PEG3: variants seen among roughly 807,000 people sequenced by gnomAD.
PEG3 encodes the protein paternally-expressed gene 3 protein.
PEG3 carries 23 observed loss-of-function variants against 35.5 expected under a neutral mutation model. The observed-to-expected ratio is 0.65, with a 90% CI of 0.47 to 0.92. PEG3 has a LOEUF of 0.92. Ranked by LOEUF, PEG3 falls within the 40% of genes least tolerant of loss-of-function variation. The pLI, the probability that PEG3 is intolerant of heterozygous loss-of-function variation, is 0.00. For synonymous variants in PEG3, 707 were observed against 697.0 expected, an observed-to-expected ratio of 1.01 and a Z score of -0.23; for missense variants, 1,960 against 1,985.3, an observed-to-expected ratio of 0.99 and a Z score of 0.24.
rs777815653 is a variant in PEG3, at chr19:56,813,967, T to A, written c.4475A>T (p.Glu1492Val). 1.2e-6 allele frequency: 2 copies of A among 1,613,990 alleles called. No individual in the cohort carries two copies. The highest frequency in any genetic ancestry group is 1.7e-6 in the Non-Finnish European group (2 of 1,179,978). Residue 1492 changes from glutamate (E) to valine (V), a missense_variant, in exon 10 of 10, where the codon GAA becomes GTA. Physicochemically the swap from Glu to Val is moderately radical, Grantham distance 121 (BLOSUM62 -2). Around this residue, in one of 5 missense-constraint regions of PEG3, gnomAD observed 416 missense variants for 416.7 expected, o/e 1.00. Transcript: ENST00000326441. ...TACCTGAATCTCTTGATCTTCACCTTCTTCTGGGTCTTCAATTCCCACACC... is the reference window on the plus strand; with the variant it reads ...TACCTGAATCTCTTGATCTTCACCTACTTCTGGGTCTTCAATTCCCACACC... ...PDGVGIEDPE[E>V]GEDQEIQVEE...
chr19:56,830,708 A>C (rs987667087), intron 2 of PEG3, among the ~76,000 whole-genome samples: 1 of 152,212 alleles, frequency 6.6e-6, no homozygotes, highest in African/African-American at 2.4e-5. Context: ...CAAATAAATA[A>C]ATCTCCATAA....
Position 56,812,266 on chromosome 19 carries a change from T to A in PEG3, c.*1409A>T. ...ACACAAGAAACCTCAAGCTGTGAGG[T>A]CAATTTGTAATTAAAAGAATACTAA... On this transcript the variant is annotated 3_prime_UTR_variant, in exon 10 of 10. Transcript: ENST00000326441. The A allele has an allele frequency of 1.0e-6, 1 of 978,964 alleles. No homozygotes were observed. Among genetic ancestry groups the A allele is most frequent in the Admixed American group, 6.1e-5 (1 of 16,268 alleles). The allele number at this position is 978,964 out of a possible 1,614,324, so 60.6% of individuals were successfully genotyped here.
At chr19:56,822,213 T>G (rs941074329) in intron 6 of PEG3, among the ~76,000 whole-genome samples, 3 of 152,118 alleles carry the variant, frequency 2.0e-5, no homozygotes, top group African/African-American at 7.2e-5. Context: ...AATTTTAGGG[T>G]GCCCTGCTGC....
intron 2 of PEG3, among the ~76,000 whole-genome samples, chr19:56,832,743 C>T (rs138550658): frequency 6.6e-6 from 1 of 152,264 alleles, no homozygotes; most frequent in African/African-American, 2.4e-5. Flanking sequence ...AAGGGTGCTT[C>T]TGGGAGTCTG....
intron 1 of PEG3, among the ~76,000 whole-genome samples, chr19:56,837,907 T>C (rs1162330566): frequency 1.3e-5 from 2 of 152,172 alleles, no homozygotes; most frequent in Admixed American, 6.5e-5. Flanking sequence ...CATTCAGTAA[T>C]GGTGCCTCCG....
chr19:56,815,802 G>A lies in PEG3; in HGVS notation c.2640C>T (p.Asn880=), dbSNP rs2059926234. The change falls in exon 10 of 10, where the codon AAC becomes AAT. Residue 880 remains asparagine (N), a synonymous_variant. Coordinates refer to ENST00000326441, the MANE Select transcript of PEG3 (RefSeq NM_006210.3). The part of the protein sequence containing the change: ...DKRQKIPARE[N]PCEGGSKNRN... ...GATTCTTACTGCCCCCTTCACAAGGGTTCTCTCTGGCAGGAATCTTCTGTC... is the reference window on the plus strand; with the variant it reads ...GATTCTTACTGCCCCCTTCACAAGGATTCTCTCTGGCAGGAATCTTCTGTC... 6.2e-7 allele frequency: 1 copy of A among 1,613,562 alleles called. No individual in the cohort carries two copies. The highest frequency in any genetic ancestry group is 8.5e-7 in the Non-Finnish European group (1 of 1,179,600).
intron 4 of PEG3, 56 bp downstream of exon 4, chr19:56,824,205 GC>G: frequency 1.9e-6 from 3 of 1,573,592 alleles, no homozygotes; most frequent in Non-Finnish European, 2.6e-6. Flanking sequence ...GAGGCTGAGA[GC>G]CCCAGGGGAC....
Position 56,836,096 on chromosome 19 carries a change from A to G in PEG3, c.-241T>C. 1 of 487,562 alleles carries G rather than the reference A, an allele frequency of 2.1e-6. No individual in the cohort carries two copies. The highest frequency in any genetic ancestry group is 4.1e-6 in the Non-Finnish European group (1 of 243,918). The allele number at this position is 487,562 out of a possible 1,614,324, so 30.2% of individuals were successfully genotyped here. Reference sequence around the variant, plus strand: ...TCTCCAAGAAGGACGGAAGATCAAGAAGGCAAAGCTGTAGAGGAAAAGAAA... The same window carrying G: ...TCTCCAAGAAGGACGGAAGATCAAGGAGGCAAAGCTGTAGAGGAAAAGAAA... On this transcript the variant is annotated 5_prime_UTR_variant, in exon 2 of 10. Transcript: ENST00000326441.
intron 1 of PEG3, among the ~76,000 whole-genome samples, chr19:56,838,549 G>A (rs2062489241): frequency 6.6e-6 from 1 of 152,160 alleles, no homozygotes; most frequent in African/African-American, 2.4e-5. Flanking sequence ...GGAACCACAC[G>A]CATCCTGTGG....
Position 56,813,336 on chromosome 19 carries a change from C to T in PEG3, c.*339G>A, listed in dbSNP as rs1459329300. 1 of 1,019,284 alleles carries T rather than the reference C, an allele frequency of 9.8e-7. No homozygotes were observed. The highest frequency in any genetic ancestry group is 1.2e-6 in the Non-Finnish European group (1 of 841,062). The allele number at this position is 1,019,284 out of a possible 1,614,324, so 63.1% of individuals were successfully genotyped here. On this transcript the variant is annotated 3_prime_UTR_variant, in exon 10 of 10. Coordinates refer to ENST00000326441, the MANE Select transcript of PEG3 (RefSeq NM_006210.3). ...GCTATTTTATATACACCTCATGAAA[C>T]ACTATATATACGTTACACAAGTGTC...
chr19:56,836,305 T>C (rs552173452), intron 1 of PEG3, among the ~76,000 whole-genome samples: 24 of 152,274 alleles, frequency 1.6e-4, no homozygotes, highest in Non-Finnish European at 2.5e-4. Flanking sequence ...GATGTACTCA[T>C]AGACTTTCTC....
chr19:56,820,548 C>T (rs979598508), intron 7 of PEG3, among the ~76,000 whole-genome samples: 1 of 152,198 alleles, frequency 6.6e-6, no homozygotes, highest in Admixed American at 6.5e-5. Context: ...GGTTCCCATC[C>T]CACAACTTTA....
At chr19:56,829,951 G>A (rs1026819057) in intron 2 of PEG3, among the ~76,000 whole-genome samples, 2 of 152,232 alleles carry the variant, frequency 1.3e-5, no homozygotes, top group African/African-American at 2.4e-5. Context: ...CGTGTTTGCA[G>A]GTGCTGAGAG....
At position 56,816,175 on chromosome 19, in the gene PEG3, G is replaced by T; in HGVS notation, c.2267C>A (p.Pro756His). The change falls in exon 10 of 10, where the codon CCC becomes CAC. Residue 756 changes from proline to histidine, a missense_variant. Pro to His is a moderately conservative substitution (Grantham distance 77, BLOSUM62 -2). Transcript: ENST00000326441. ...AGTGGGAATCTTCTGGTTTTCATAGGGGTTAGAGCTAATGGTGAACGCCTT... is the reference window on the plus strand; with the variant it reads ...AGTGGGAATCTTCTGGTTTTCATAGTGGTTAGAGCTAATGGTGAACGCCTT... ...DEKAFTISSN[P>H]YENQKIPTKE... is the part of the protein sequence containing the mutation. 1 of 1,613,974 alleles carries T rather than the reference G, an allele frequency of 6.2e-7. No individual in the cohort carries two copies. The highest frequency in any genetic ancestry group is 8.5e-7 in the Non-Finnish European group (1 of 1,179,910).
At chr19:56,829,331 G>A (rs1177651115) in intron 2 of PEG3, among the ~76,000 whole-genome samples, 3 of 141,442 alleles carry the variant, frequency 2.1e-5, no homozygotes, top group Admixed American at 7.3e-5. Flanking sequence ...GCAACAGAGC[G>A]AGACTCCATC....
At position 56,821,631 on chromosome 19, in the gene PEG3, G is replaced by C. The variant is rs767918005; in HGVS notation, c.669+20C>G. The stretch of plus-strand genomic sequence containing the variant: ...GAAATGAAGATGGCCTTTCTAGAAA[G>C]AGAGGAAACCTGAGCATACCTGAGA... On this transcript the variant is annotated intron_variant, in intron 7 of 9. Transcript: ENST00000326441. 8 of 1,611,698 alleles carry C rather than the reference G, an allele frequency of 5.0e-6. No homozygotes were observed. Among genetic ancestry groups the C allele is most frequent in the South Asian group, 4.4e-5 (4 of 90,668 alleles).
intron 1 of PEG3, among the ~76,000 whole-genome samples, chr19:56,839,140 A>G (rs1331803365): frequency 6.6e-6 from 1 of 151,838 alleles, no homozygotes; most frequent in Non-Finnish European, 1.5e-5. Flanking sequence ...GATGGCGCCC[A>G]GGTGGGTGGG....
chr19:56,824,685 C>T lies in PEG3; in HGVS notation c.-30G>A. On this transcript the variant is annotated 5_prime_UTR_variant, in exon 4 of 10. Coordinates refer to ENST00000326441, the MANE Select transcript of PEG3 (RefSeq NM_006210.3). ...CTAAGTAAAATTTTCACTGGAGGAA[C>T]CAAACATGAGTCAACAGGAAAGACG... 1 of 1,575,566 alleles carries T rather than the reference C, an allele frequency of 6.3e-7. No homozygotes were observed. The highest frequency in any genetic ancestry group is 8.6e-7 in the Non-Finnish European group (1 of 1,159,070).
chr19:56,836,537 G>T (rs1275761082), intron 1 of PEG3, among the ~76,000 whole-genome samples: 1 of 152,180 alleles, frequency 6.6e-6, no homozygotes, highest in Non-Finnish European at 1.5e-5. Context: ...ATAGGACATA[G>T]TCCAAGTCCC....
Sources: gnomAD v4.1 joint callset for allele counts (sites outside exome capture counted in the v4.1 genomes callset) on GRCh38, gnomAD v4.1.1 for gene constraint, gnomAD v4.1.1 regional missense constraint, MANE v1.5 for transcripts, NCBI Gene and HGNC (gene_info 2026-07-23, HGNC 2026-07-21) for gene names.